Variants in REEP1 observed in about 807,000 individuals in gnomAD.
The protein encoded by REEP1 is receptor expression-enhancing protein 1.
Under a neutral mutation model 40.3 loss-of-function variants are expected in REEP1, and 22 were observed. The ratio of observed to expected loss-of-function variants is 0.55; its 90% CI spans 0.39 to 0.78. The LOEUF is 0.78. Ranked by LOEUF, REEP1 falls within the 30% of genes least tolerant of loss-of-function variation. The pLI is 0.00. For synonymous variants in REEP1, 116 were observed against 139.2 expected, an observed-to-expected ratio of 0.83 and a Z score of 1.17; for missense variants, 280 against 361.1, an observed-to-expected ratio of 0.78 and a Z score of 1.82.
chr2:86,282,467 G>A (rs1401365422), intron 1 of REEP1, among the ~76,000 whole-genome samples: 1 of 152,028 alleles, frequency 6.6e-6, no homozygotes, highest in Non-Finnish European at 1.5e-5. Context: ...TCAACCTGTG[G>A]TCTGGCAACA....
At chr2:86,301,527 G>C (rs549000783) in intron 1 of REEP1, among the ~76,000 whole-genome samples, 2 of 152,300 alleles carry the variant, frequency 1.3e-5, no homozygotes, top group Non-Finnish European at 2.9e-5. Flanking sequence ...TGAAACAAGA[G>C]TTTTCAAGAG....
Position 86,214,770 on chromosome 2 carries a change from C to T in REEP1, c.*2269G>A, listed in dbSNP as rs1052357598. ...CTTGAAGGAAAAATAGTTACATTTA[C>T]ATTAAGACAGAGTTTGGATACCTTT... On this transcript the variant is annotated 3_prime_UTR_variant, in exon 9 of 9. Transcript: ENST00000538924. 6.6e-6 allele frequency: 1 copy of T among 152,646 alleles called. No individual in the cohort carries two copies. Among genetic ancestry groups the T allele is most frequent in the East Asian group, 1.9e-4 (1 of 5,198 alleles). The allele number at this position is 152,646 out of a possible 1,614,324, so 9.5% of individuals were successfully genotyped here. A position where few individuals can be genotyped will look rare whatever the true frequency, so the allele number is the denominator to read the frequency against.
intron 1 of REEP1, among the ~76,000 whole-genome samples, chr2:86,317,960 G>T (rs1219184660): frequency 6.6e-6 from 1 of 152,118 alleles, no homozygotes; most frequent in Admixed American, 6.6e-5. Context: ...CTAGAAAAAT[G>T]ATTGATCTCA....
At chr2:86,266,372 C>T (rs1228728527) in intron 2 of REEP1, among the ~76,000 whole-genome samples, 1 of 152,166 alleles carries the variant, frequency 6.6e-6, no homozygotes, top group Non-Finnish European at 1.5e-5. Context: ...GTAATCCCAG[C>T]ACTTTGGGAG....
At chr2:86,279,019 A>G (rs1677914106) in intron 2 of REEP1, among the ~76,000 whole-genome samples, 1 of 152,204 alleles carries the variant, frequency 6.6e-6, no homozygotes, top group Non-Finnish European at 1.5e-5. Flanking sequence ...GCCCATTTTT[A>G]TTTAGGAGAG....
chr2:86,236,883 C>G (rs1039254026), intron 5 of REEP1, among the ~76,000 whole-genome samples: 1 of 152,108 alleles, frequency 6.6e-6, no homozygotes, highest in African/African-American at 2.4e-5. Context: ...AACAGGTGCC[C>G]GCCACCACGC....
At chr2:86,304,105 A>G (rs1252794051) in intron 1 of REEP1, among the ~76,000 whole-genome samples, 3 of 152,172 alleles carry the variant, frequency 2.0e-5, no homozygotes, top group South Asian at 2.1e-4. Context: ...GCAGTTTACA[A>G]CCCAGGCTGT....
chr2:86,243,458 C>A (rs1207365636), intron 5 of REEP1, among the ~76,000 whole-genome samples: 1 of 152,194 alleles, frequency 6.6e-6, no homozygotes, highest in Non-Finnish European at 1.5e-5. Context: ...TAAGTAATGT[C>A]GGACCGCCAA....
chr2:86,240,002 C>T (rs960255990), intron 5 of REEP1: 1 of 152,510 alleles, frequency 6.6e-6, no homozygotes, highest in Non-Finnish European at 1.5e-5. Flanking sequence ...GAGTTAGTCA[C>T]ACCTCTCAAC....
intron 3 of REEP1, among the ~76,000 whole-genome samples, chr2:86,263,089 A>G (rs1676949594): frequency 6.6e-6 from 1 of 152,228 alleles, no homozygotes; most frequent in Non-Finnish European, 1.5e-5. Flanking sequence ...AGGTAGATGT[A>G]TTTATGCTCA....
chr2:86,300,757 A>G (rs1395085894), intron 1 of REEP1, among the ~76,000 whole-genome samples: 2 of 152,138 alleles, frequency 1.3e-5, no homozygotes, highest in East Asian at 3.9e-4. Context: ...TGGTTCATGT[A>G]ACCAAAACCA....
rs1293776179 is a variant in REEP1 at position 86,216,175 on chromosome 2, A to G, written c.*864T>C. The G allele has an allele frequency of 2.6e-5, 4 of 152,162 alleles. No homozygotes were observed. Among genetic ancestry groups the G allele is most frequent in the Non-Finnish European group, 4.4e-5 (3 of 68,024 alleles). The allele number at this position is 152,162 out of a possible 1,614,324, so 9.4% of individuals were successfully genotyped here. ...GAATTACTCCTTCCAGCAGCTCTACATGTTCCCATCCTCAAGAAATTGCAC... is the reference window on the plus strand; with the variant it reads ...GAATTACTCCTTCCAGCAGCTCTACGTGTTCCCATCCTCAAGAAATTGCAC... On this transcript the variant is annotated 3_prime_UTR_variant, in exon 9 of 9. Transcript: ENST00000538924.
chr2:86,233,626 G>A (rs980358433), intron 5 of REEP1, among the ~76,000 whole-genome samples: 1 of 152,140 alleles, frequency 6.6e-6, no homozygotes, highest in Non-Finnish European at 1.5e-5. Context: ...AGGGATGGTG[G>A]CATTGCTTTA....
intron 1 of REEP1, among the ~76,000 whole-genome samples, chr2:86,330,743 C>A (rs750467810): frequency 1.3e-5 from 2 of 151,996 alleles, no homozygotes; most frequent in African/African-American, 4.8e-5. Flanking sequence ...CCGTGCCCAG[C>A]CAGAATCCTG....
chr2:86,251,559 T>A, intron 5 of REEP1: 1 of 297,510 alleles, frequency 3.4e-6, no homozygotes, highest in Non-Finnish European at 6.5e-6. Flanking sequence ...ACTCTCCCAG[T>A]GCACCCTAGG....
At position 86,273,677 on chromosome 2, in the gene REEP1, C is replaced by T. The variant is rs1243032829; in HGVS notation, c.105+8493G>A. ...ACCATATGAGTCTTTCAGTTCTCAA[C>T]AAAGCATCTTTTTTTGCGTCTGATT... On this transcript the variant is annotated intron_variant, in intron 2 of 8. Coordinates refer to ENST00000538924, the MANE Select transcript of REEP1 (RefSeq NM_001371279.1). Among the ~76,000 whole-genome samples the T allele has an allele frequency of 2.0e-5, 3 of 152,306 alleles. No individual in the cohort carries two copies. In the South Asian group the frequency reaches 6.2e-4, roughly 32 times the overall value.
intron 2 of REEP1, among the ~76,000 whole-genome samples, chr2:86,269,262 C>T (rs1677310300): frequency 6.6e-6 from 1 of 152,134 alleles, no homozygotes; most frequent in Non-Finnish European, 1.5e-5. Context: ...CAATTCTAGG[C>T]TCATAATAAA....
intron 5 of REEP1, chr2:86,251,578 G>A: frequency 3.0e-6 from 1 of 328,006 alleles, no homozygotes; most frequent in South Asian, 2.7e-5. Context: ...GGAAACTGCA[G>A]AGAAGCACTC....
intron 1 of REEP1, among the ~76,000 whole-genome samples, chr2:86,322,219 C>T (rs1178437256): frequency 1.3e-5 from 2 of 151,856 alleles, no homozygotes; most frequent in East Asian, 1.9e-4. Flanking sequence ...AGGTAGATAC[C>T]ATATACATGG....
Sources: gnomAD v4.1 joint callset for allele counts (sites outside exome capture counted in the v4.1 genomes callset) on GRCh38, gnomAD v4.1.1 for gene constraint, MANE v1.5 for transcripts, NCBI Gene and HGNC (gene_info 2026-07-23, HGNC 2026-07-21) for gene names.